The following LRRC4C variants were observed in gnomAD, a reference collection of about 807,000 sequenced individuals.
LRRC4C encodes leucine-rich repeat-containing protein 4C.
In LRRC4C, 5 loss-of-function variants were observed where a neutral mutation model predicts 33.6. The ratio of observed to expected loss-of-function variants is 0.15; its 90% CI spans 0.08 to 0.31. LRRC4C has a LOEUF of 0.31. Among genes scored for constraint, LRRC4C ranks in the 10% least tolerant of loss-of-function variants. The pLI is 1.00. For missense variants in LRRC4C, 560 were observed against 796.7 expected (o/e 0.70, Z 3.58); for synonymous variants, 329 against 302.0 (o/e 1.09, Z -0.93).
At chr11:40,766,353 T>TAAAAAAAAAAAA (rs60152534) in intron 2 of LRRC4C, among the ~76,000 whole-genome samples, 6 of 33,914 alleles carry the variant, frequency 1.8e-4, no homozygotes, top group African/African-American at 4.3e-4. Context: ...TTCAGTCTGT[T>TAAAAAAAAAAAA]AAAAAAAAAA....
chr11:40,417,400 C>T (rs906994252), intron 3 of LRRC4C, among the ~76,000 whole-genome samples: 7 of 151,950 alleles, frequency 4.6e-5, no homozygotes, highest in Admixed American at 2.6e-4. Context: ...GGCATGATCC[C>T]GGCTCACTGC....
In LRRC4C at chr11:40,739,444, C is replaced by A. The variant is rs567881150; in HGVS notation, c.-406-91166G>T. ...ATTCTCTGTGTGTGTGTGTTTATTA[C>A]CCTTATCTCACACATATATAAAAAT... On this transcript the variant is annotated intron_variant, in intron 2 of 6. Transcript: ENST00000528697. Among the ~76,000 whole-genome samples the A allele has an allele frequency of 3.3e-5, 5 of 151,856 alleles. No homozygotes were observed. In the South Asian group the frequency reaches 8.3e-4, roughly 25 times the overall value.
At chr11:40,391,358 G>A (rs1034030900) in intron 3 of LRRC4C, among the ~76,000 whole-genome samples, 4 of 148,840 alleles carry the variant, frequency 2.7e-5, no homozygotes, top group Non-Finnish European at 6.0e-5. Context: ...CAAATCTGAT[G>A]TATGTAGGAA....
chr11:41,218,603 T>C (rs1230193388), intron 1 of LRRC4C, among the ~76,000 whole-genome samples: 3 of 152,160 alleles, frequency 2.0e-5, no homozygotes, highest in Non-Finnish European at 4.4e-5. Flanking sequence ...TTTGTAGATG[T>C]CTACTTTATG....
At chr11:40,986,580 AC>A (rs1470468563) in intron 1 of LRRC4C, among the ~76,000 whole-genome samples, 2 of 152,112 alleles carry the variant, frequency 1.3e-5, no homozygotes, top group Non-Finnish European at 2.9e-5. Context: ...CAATAAGAGA[AC>A]AAAAAAGAAA....
chr11:40,913,318 G>A (rs1425628365), intron 2 of LRRC4C, among the ~76,000 whole-genome samples: 1 of 152,110 alleles, frequency 6.6e-6, no homozygotes, highest in Non-Finnish European at 1.5e-5. Flanking sequence ...CTCAGCAAAT[G>A]TAAAAGAAAA....
At chr11:41,190,731 G>A (rs1421007956) in intron 1 of LRRC4C, among the ~76,000 whole-genome samples, 2 of 152,118 alleles carry the variant, frequency 1.3e-5, no homozygotes, top group African/African-American at 4.8e-5. Flanking sequence ...CTGAAATGAC[G>A]TGACACTAGT....
At chr11:41,036,746 A>G (rs1306498433) in intron 1 of LRRC4C, among the ~76,000 whole-genome samples, 1 of 152,192 alleles carries the variant, frequency 6.6e-6, no homozygotes, top group Admixed American at 6.5e-5. Context: ...AACCTAAATG[A>G]TGTCACAGTA....
intron 4 of LRRC4C, among the ~76,000 whole-genome samples, chr11:40,248,164 A>G (rs1866494764): frequency 6.6e-6 from 1 of 152,064 alleles, no homozygotes; most frequent in African/African-American, 2.4e-5. Context: ...AAGCAGGCTC[A>G]TTCTTCTGGG....
At chr11:40,387,285 T>C (rs1204697454) in intron 3 of LRRC4C, among the ~76,000 whole-genome samples, 1 of 152,174 alleles carries the variant, frequency 6.6e-6, no homozygotes, top group African/African-American at 2.4e-5. Flanking sequence ...GGGTTACCAC[T>C]CCCAATAACA....
intron 1 of LRRC4C, among the ~76,000 whole-genome samples, chr11:41,328,341 C>T (rs1951186890): frequency 6.6e-6 from 1 of 152,136 alleles, no homozygotes; most frequent in South Asian, 2.1e-4. Context: ...TTGTGCCTCA[C>T]TGTCTAAAAA....
At chr11:40,487,630 C>A (rs1314910152) in intron 3 of LRRC4C, among the ~76,000 whole-genome samples, 3 of 151,552 alleles carry the variant, frequency 2.0e-5, no homozygotes, top group African/African-American at 7.3e-5. Flanking sequence ...TTAAAACCTG[C>A]CTCTTTAATT....
chr11:40,967,966 A>T (rs1033851985), intron 1 of LRRC4C, among the ~76,000 whole-genome samples: 2 of 151,988 alleles, frequency 1.3e-5, no homozygotes, highest in Non-Finnish European at 2.9e-5. Context: ...TTTAAATCCA[A>T]AGGTAGAAAG....
Position 40,294,510 on chromosome 11 carries a change from T to C in LRRC4C, c.-176+25118A>G, listed in dbSNP as rs77605126. The stretch of plus-strand genomic sequence containing the variant: ...AAGAGCCTCTCCCAGTCAAGCACAC[T>C]GGTCCCAAGCTGAGGATTAACACAG... On this transcript the variant is annotated intron_variant, in intron 4 of 6. Transcript: ENST00000528697. Among the ~76,000 whole-genome samples the C allele has an allele frequency of 4.8e-3, 726 of 152,198 alleles. 7 individuals carry two copies. The highest frequency in any genetic ancestry group is 0.017 in the African/African-American group (689 of 41,554).
intron 2 of LRRC4C, among the ~76,000 whole-genome samples, chr11:40,912,858 C>G (rs1475592186): frequency 1.5e-4 from 23 of 152,052 alleles, no homozygotes; most frequent in Admixed American, 4.6e-4. Context: ...GAAGATCTAC[C>G]AAGCCAATGG....
chr11:40,366,360 T>C lies in LRRC4C; in HGVS notation c.-269-46639A>G, dbSNP rs183210913. 1.6e-4 allele frequency among the ~76,000 whole-genome samples: 24 copies of C among 152,180 alleles called. 1 individual carries two copies. The East Asian group carries it at 2.5e-3, about 16-fold the overall frequency. Reference sequence around the variant, plus strand: ...TGAAGCATTTAAGACAGGCTTAAGTTTCTGGAGAGACATATTGTCAGCCAG... The same window carrying C: ...TGAAGCATTTAAGACAGGCTTAAGTCTCTGGAGAGACATATTGTCAGCCAG... On this transcript the variant is annotated intron_variant, in intron 3 of 6. Transcript: ENST00000528697.
At chr11:40,813,174 T>C (rs1951565139) in intron 2 of LRRC4C, among the ~76,000 whole-genome samples, 1 of 152,168 alleles carries the variant, frequency 6.6e-6, no homozygotes, top group African/African-American at 2.4e-5. Context: ...CAGAATTCCT[T>C]CTTTCTTATA....
chr11:40,257,185 C>T (rs1261989982), intron 4 of LRRC4C, among the ~76,000 whole-genome samples: 1 of 152,044 alleles, frequency 6.6e-6, no homozygotes, highest in East Asian at 1.9e-4. Flanking sequence ...ATGCTTGGCC[C>T]AGTAATGTTT....
chr11:40,549,028 T>C (rs1289701908), intron 3 of LRRC4C, among the ~76,000 whole-genome samples: 1 of 152,176 alleles, frequency 6.6e-6, no homozygotes, highest in Non-Finnish European at 1.5e-5. Context: ...AGGTTCATAT[T>C]AAAATCCAAA....
Sources: allele counts gnomAD v4.1 joint callset (sites outside exome capture counted in the v4.1 genomes callset), GRCh38; gene constraint gnomAD v4.1.1; transcripts MANE v1.5; gene names NCBI Gene and HGNC (gene_info 2026-07-23, HGNC 2026-07-21).